The following FOXP1 variants were observed in gnomAD, a reference collection of about 807,000 sequenced individuals.
The protein encoded by FOXP1 is forkhead box P1, also known as forkhead box protein P1.
Under a neutral mutation model 98.2 loss-of-function variants are expected in FOXP1, and 15 were observed. The observed-to-expected ratio is 0.15, with a 90% CI of 0.10 to 0.24. The LOEUF (loss-of-function observed/expected upper bound fraction) is 0.24. FOXP1 is among the 10% of genes least tolerant of loss of function. FOXP1 has a pLI of 1.00. For missense variants in FOXP1, 633 were observed against 848.5 expected (o/e 0.75, Z 3.15); for synonymous variants, 371 against 314.5 (o/e 1.18, Z -1.90).
intron 2 of FOXP1, among the ~76,000 whole-genome samples, chr3:71,495,731 T>C (rs150298849): frequency 2.0e-5 from 3 of 152,322 alleles, no homozygotes; most frequent in African/African-American, 7.2e-5. Context: ...CTTGTGCCCA[T>C]GGGAACTCTA....
At position 70,957,848 on chromosome 3, in the gene FOXP1, C is replaced by T. The variant is rs1217437484; in HGVS notation, c.*1399G>A. 8.5e-6 allele frequency: 2 copies of T among 233,984 alleles called. No homozygotes were observed. Among genetic ancestry groups the T allele is most frequent in the Non-Finnish European group, 1.7e-5 (2 of 118,352 alleles). 14.5% of individuals were successfully genotyped at this position (233,984 alleles called of 1,614,324 possible). A position where few individuals can be genotyped will look rare whatever the true frequency, so the allele number is the denominator to read the frequency against. On this transcript the variant is annotated 3_prime_UTR_variant, in exon 21 of 21. Coordinates refer to ENST00000649528, the MANE Select transcript of FOXP1 (RefSeq NM_001349338.3). ...TTTAGCATTTGCTGAACTCAGCCCT[C>T]GTTAACTCCCTTAACAAGTTCAATC...
In FOXP1 at chr3:71,038,603, C is replaced by T. The variant is rs371872578; in HGVS notation, c.869+2725G>A. ...TTAAATTAAGCCTAATAAGGTAATG[C>T]TACATAATATGCATTTGAAGTATTT... On this transcript the variant is annotated intron_variant, in intron 11 of 20. Transcript: ENST00000649528. Among the ~76,000 whole-genome samples the T allele has an allele frequency of 4.6e-5, 7 of 151,330 alleles. No homozygotes were observed. The South Asian group carries it at 1.0e-3, about 23-fold the overall frequency.
intron 11 of FOXP1, among the ~76,000 whole-genome samples, chr3:71,019,299 A>T (rs1193770557): frequency 6.6e-6 from 1 of 152,234 alleles, no homozygotes; most frequent in Non-Finnish European, 1.5e-5. Flanking sequence ...TAGATAAATT[A>T]TTCAAGGGTA....
intron 7 of FOXP1, among the ~76,000 whole-genome samples, chr3:71,071,267 C>T (rs1365183202): frequency 6.6e-6 from 1 of 152,222 alleles, no homozygotes; most frequent in Non-Finnish European, 1.5e-5. Flanking sequence ...CTGACACAGG[C>T]ATCCAGGTGA....
intron 4 of FOXP1, among the ~76,000 whole-genome samples, chr3:71,336,874 G>C (rs1457455237): frequency 6.6e-6 from 1 of 152,198 alleles, no homozygotes; most frequent in African/African-American, 2.4e-5. Flanking sequence ...GCAGGAGATA[G>C]AGAAGGCAGA....
intron 6 of FOXP1, among the ~76,000 whole-genome samples, chr3:71,194,302 CTCA>C (rs2063174325): frequency 6.6e-6 from 1 of 151,406 alleles, no homozygotes; most frequent in African/African-American, 2.4e-5. Flanking sequence ...CCACAAAAAC[CTCA>C]TCATTAAATG....
chr3:71,164,208 A>T (rs1001391983), intron 6 of FOXP1, among the ~76,000 whole-genome samples: 7 of 150,832 alleles, frequency 4.6e-5, no homozygotes, highest in Admixed American at 6.6e-5. Flanking sequence ...TTTATTTTTT[A>T]TTTTTTTTTG....
At chr3:71,413,723 AG>A (rs2082978675) in intron 3 of FOXP1, among the ~76,000 whole-genome samples, 1 of 152,218 alleles carries the variant, frequency 6.6e-6, no homozygotes, top group African/African-American at 2.4e-5. Flanking sequence ...ACTACCAAAC[AG>A]CATGTACGGT....
At chr3:71,382,092 C>T (rs544465377) in intron 3 of FOXP1, among the ~76,000 whole-genome samples, 12 of 152,060 alleles carry the variant, frequency 7.9e-5, no homozygotes, top group Non-Finnish European at 1.5e-4. Flanking sequence ...AGCAACATGG[C>T]GAGACCCTGT....
At chr3:71,085,331 G>A (rs11925142) in intron 7 of FOXP1, among the ~76,000 whole-genome samples, 7,159 of 151,866 alleles carry the variant, frequency 0.047, 575 homozygotes, top group African/African-American at 0.17. Context: ...ATTTTTTTTT[G>A]TAGAGATAGG....
intron 20 of FOXP1, among the ~76,000 whole-genome samples, chr3:70,962,649 C>CTGAT (rs1203817645): frequency 6.6e-6 from 1 of 152,118 alleles, no homozygotes; most frequent in Non-Finnish European, 1.5e-5. Flanking sequence ...TAGCTATATG[C>CTGAT]TGATTGAGGT....
intron 3 of FOXP1, among the ~76,000 whole-genome samples, chr3:71,478,105 G>A (rs1406683409): frequency 6.6e-6 from 1 of 152,146 alleles, no homozygotes; most frequent in African/African-American, 2.4e-5. Flanking sequence ...GTCTGTCCTT[G>A]ACATCTCTTT....
chr3:71,227,737 A>AC (rs1473375575), intron 5 of FOXP1, among the ~76,000 whole-genome samples: 1 of 152,012 alleles, frequency 6.6e-6, no homozygotes, highest in Non-Finnish European at 1.5e-5. Flanking sequence ...GTTTTTAAAA[A>AC]AAAAAAAAAA....
At chr3:71,288,710 A>G (rs1212025141) in intron 5 of FOXP1, among the ~76,000 whole-genome samples, 2 of 152,190 alleles carry the variant, frequency 1.3e-5, no homozygotes, top group African/African-American at 2.4e-5. Flanking sequence ...TTCACTGCTC[A>G]CAGGTTGTAC....
intron 5 of FOXP1, among the ~76,000 whole-genome samples, chr3:71,266,088 T>G (rs1044259291): frequency 6.6e-6 from 1 of 151,662 alleles, no homozygotes; most frequent in East Asian, 1.9e-4. Flanking sequence ...GCTGCAAAGA[T>G]GGATGAAGAG....
intron 4 of FOXP1, among the ~76,000 whole-genome samples, chr3:71,313,800 C>CA (rs2074881487): frequency 1.3e-5 from 2 of 152,214 alleles, no homozygotes; most frequent in African/African-American, 4.8e-5. Flanking sequence ...GCTGGGATTA[C>CA]AGGCATGAGC....
intron 3 of FOXP1, among the ~76,000 whole-genome samples, chr3:71,470,469 G>A (rs2089225978): frequency 1.3e-5 from 2 of 152,208 alleles, no homozygotes; most frequent in Non-Finnish European, 2.9e-5. Context: ...GGCCGGTGCG[G>A]TGGCTCACGC....
At chr3:71,511,250 G>C (rs1245174198) in intron 2 of FOXP1, among the ~76,000 whole-genome samples, 1 of 152,162 alleles carries the variant, frequency 6.6e-6, no homozygotes. Flanking sequence ...GGCTTGGCCA[G>C]ACTGTGAAAA....
Position 71,052,578 on chromosome 3 carries a change from G to T in FOXP1, c.469C>A (p.Gln157Lys). The T allele has an allele frequency of 6.9e-7, 1 of 1,445,490 alleles. No homozygotes were observed. Among genetic ancestry groups the T allele is most frequent in the Admixed American group, 1.7e-5 (1 of 59,838 alleles). The allele number at this position is 1,445,490 out of a possible 1,614,324, so 89.5% of individuals were successfully genotyped here. ...YKKQQEQLQL[Q>K]LLQQQHAGKQ... ...CCAGCATGTTGTTGTTGTAAAAGTTGAAGCTGCAACTGTTCCTGTTGTTTT... is the reference window on the plus strand; with the variant it reads ...CCAGCATGTTGTTGTTGTAAAAGTTTAAGCTGCAACTGTTCCTGTTGTTTT... Residue 157 changes from glutamine to lysine, a missense_variant, in exon 9 of 21, where the codon CAA (glutamine) becomes AAA (lysine). By Grantham distance (53) the Gln-to-Lys change is moderately conservative. Around this residue, in one of 6 missense-constraint regions of FOXP1, gnomAD observed 210 missense variants for 270.6 expected, o/e 0.78. Coordinates refer to ENST00000649528, the MANE Select transcript of FOXP1 (RefSeq NM_001349338.3).
Sources: allele counts gnomAD v4.1 joint callset (sites outside exome capture counted in the v4.1 genomes callset), GRCh38; gene constraint gnomAD v4.1.1; regional missense constraint gnomAD v4.1.1; transcripts MANE v1.5; gene names NCBI Gene and HGNC (gene_info 2026-07-23, HGNC 2026-07-21).